The following BCKDHB variants were observed in gnomAD, a reference collection of about 807,000 sequenced individuals.
BCKDHB encodes branched chain keto acid dehydrogenase E1 subunit beta, also known as 2-oxoisovalerate dehydrogenase subunit beta, mitochondrial.
A neutral mutation model predicts 48.5 loss-of-function variants in BCKDHB; 41 were observed. The observed-to-expected ratio is 0.85, with a 90% CI of 0.66 to 1.10. BCKDHB has a LOEUF of 1.10. BCKDHB is among the 50% of genes least tolerant of loss of function. BCKDHB has a pLI of 0.00. For missense variants in BCKDHB, 496 were observed against 494.2 expected (o/e 1.00, Z -0.03); for synonymous variants, 201 against 174.8 (o/e 1.15, Z -1.18).
intron 3 of BCKDHB, among the ~76,000 whole-genome samples, chr6:80,141,930 TGGTGCCTTTAACA>T (rs765038930): frequency 3.9e-5 from 6 of 152,150 alleles, no homozygotes; most frequent in Non-Finnish European, 5.9e-5. Flanking sequence ...TCTTCTAGAC[TGGTGCCTTTAACA>T]GGGGGAGGAA....
At chr6:80,173,115 ATTTAC>A (rs1772993836) in intron 6 of BCKDHB, among the ~76,000 whole-genome samples, 1 of 152,140 alleles carries the variant, frequency 6.6e-6, no homozygotes, top group Non-Finnish European at 1.5e-5. Context: ...AAAAAGTAAT[ATTTAC>A]TTTGCTGCAA....
At chr6:80,346,955 G>A (rs1770226937), downstream of BCKDHB, among the ~76,000 whole-genome samples, 1 of 151,640 alleles carries the variant, frequency 6.6e-6, no homozygotes, top group South Asian at 2.1e-4. Context: ...CAAAGAATGA[G>A]GGTTGTCATG....
At chr6:80,315,538 C>T (rs1471935820) in intron 9 of BCKDHB, among the ~76,000 whole-genome samples, 3 of 151,784 alleles carry the variant, frequency 2.0e-5, no homozygotes, top group South Asian at 4.2e-4. Context: ...TTTTGTTGCT[C>T]TCTGTGAGTG....
At chr6:80,343,378 C>T (rs185220610) in intron 9 of BCKDHB, among the ~76,000 whole-genome samples, 1 of 152,146 alleles carries the variant, frequency 6.6e-6, no homozygotes, top group East Asian at 1.9e-4. Context: ...ATAATTCTTT[C>T]CATTTATATT....
intron 8 of BCKDHB, 91 bp downstream of exon 8, chr6:80,203,303 G>C (rs1562133184): frequency 3.2e-5 from 30 of 940,484 alleles, no homozygotes; most frequent in Non-Finnish European, 5.0e-5. Flanking sequence ...GAAATTGTGA[G>C]CTATGTGAGC....
the BCKDHB span, among the ~76,000 whole-genome samples, chr6:80,438,560 A>G: frequency 6.6e-6 from 1 of 152,230 alleles, no homozygotes; most frequent in South Asian, 2.1e-4. Flanking sequence ...TACATTTCAC[A>G]CTATGAAATT....
intron 8 of BCKDHB, among the ~76,000 whole-genome samples, chr6:80,272,632 T>C (rs1216843480): frequency 1.3e-5 from 2 of 152,110 alleles, no homozygotes; most frequent in Non-Finnish European, 2.9e-5. Flanking sequence ...ACGAAGGAGG[T>C]TTACTTTTGC....
intron 3 of BCKDHB, among the ~76,000 whole-genome samples, chr6:80,133,309 A>G (rs958546071): frequency 6.6e-6 from 1 of 152,234 alleles, no homozygotes; most frequent in Non-Finnish European, 1.5e-5. Context: ...GCATAATTAG[A>G]GGCAATGCTA....
rs183989665 is a variant in BCKDHB at position 80,261,368 on chromosome 6, A to G, written c.952-11767A>G. Among the ~76,000 whole-genome samples the G allele has an allele frequency of 1.8e-4, 28 of 152,176 alleles. 1 individual carries two copies. In the East Asian group the frequency reaches 5.3e-3, roughly 29 times the overall value. ...GAAGGGATGGAGACAACCAGGGGAA[A>G]GCATCCTCACTGCCAGTCTGTGGCC... On this transcript the variant is annotated intron_variant, in intron 8 of 9. Coordinates refer to ENST00000320393, the MANE Select transcript of BCKDHB (RefSeq NM_183050.4).
the BCKDHB span, among the ~76,000 whole-genome samples, chr6:80,368,070 A>G: frequency 6.6e-6 from 1 of 152,168 alleles, no homozygotes. Context: ...CATCCAGTCC[A>G]TCTAATAAGT....
chr6:80,168,285 A>G (rs1582273257), intron 4 of BCKDHB, among the ~76,000 whole-genome samples: 2 of 151,652 alleles, frequency 1.3e-5, no homozygotes, highest in Middle Eastern at 6.8e-3. Flanking sequence ...CTTTCTCAAA[A>G]AGAAAAGAAG....
chr6:80,389,119 A>G, the BCKDHB span, among the ~76,000 whole-genome samples: 7 of 152,342 alleles, frequency 4.6e-5, no homozygotes, highest in African/African-American at 1.7e-4. Context: ...GTGCTCACCA[A>G]TGAGTGACCT....
At chr6:80,422,100 C>T in the BCKDHB span, among the ~76,000 whole-genome samples, 3 of 152,148 alleles carry the variant, frequency 2.0e-5, no homozygotes, top group East Asian at 5.8e-4. Flanking sequence ...GGTTTTGGGG[C>T]TGGGCCCAGG....
the BCKDHB span, among the ~76,000 whole-genome samples, chr6:80,388,447 T>C: frequency 6.6e-6 from 1 of 152,170 alleles, no homozygotes; most frequent in Non-Finnish European, 1.5e-5. Context: ...TGGTAGAAAC[T>C]AGAAACTGAA....
At chr6:80,141,239 C>G (rs1406164818) in intron 3 of BCKDHB, among the ~76,000 whole-genome samples, 1 of 151,838 alleles carries the variant, frequency 6.6e-6, no homozygotes, top group Admixed American at 6.6e-5. Flanking sequence ...TTTTGTTGAT[C>G]CTTTCAAAAA....
At chr6:80,395,480 A>G in the BCKDHB span, among the ~76,000 whole-genome samples, 1 of 152,184 alleles carries the variant, frequency 6.6e-6, no homozygotes, top group Non-Finnish European at 1.5e-5. Flanking sequence ...TGCCCCTACC[A>G]GAGAGATGTG....
chr6:80,431,576 G>T, the BCKDHB span, among the ~76,000 whole-genome samples: 1 of 152,246 alleles, frequency 6.6e-6, no homozygotes, highest in South Asian at 2.1e-4. Context: ...ATTATGTAAT[G>T]CCCTTCTTTG....
At chr6:80,404,898 A>G in the BCKDHB span, among the ~76,000 whole-genome samples, 1 of 152,088 alleles carries the variant, frequency 6.6e-6, no homozygotes, top group East Asian at 1.9e-4. Flanking sequence ...CACTGTGGTC[A>G]GAAAAGATAC....
chr6:80,374,221 T>A, the BCKDHB span: 6 of 736,770 alleles, frequency 8.1e-6, no homozygotes, highest in Admixed American at 3.5e-5. Flanking sequence ...TTCATTTGGA[T>A]ATGCTCAATG....
Sources: allele counts gnomAD v4.1 joint callset (sites outside exome capture counted in the v4.1 genomes callset), GRCh38; gene constraint gnomAD v4.1.1; transcripts MANE v1.5; gene names NCBI Gene and HGNC (gene_info 2026-07-23, HGNC 2026-07-21).